The following EYS variants were observed in gnomAD, a reference collection of about 807,000 sequenced individuals.
EYS encodes the protein protein eyes shut homolog.
In EYS, 250 loss-of-function variants were observed where a neutral mutation model predicts 282.1. That is an observed-to-expected ratio of 0.89 (90% CI 0.80 to 0.98). EYS has a LOEUF of 0.98. Ranked by LOEUF, EYS falls within the 50% of genes least tolerant of loss-of-function variation. The pLI is 0.00. For missense variants in EYS, 4,016 were observed against 3,709.0 expected (o/e 1.08, Z -2.15); for synonymous variants, 1,355 against 1,282.9 (o/e 1.06, Z -1.20).
rs146804297 is a variant in EYS, at chr6:64,036,834, T to C, written c.6725+29504A>G. On this transcript the variant is annotated intron_variant, in intron 33 of 42. Coordinates refer to ENST00000503581, the MANE Select transcript of EYS (RefSeq NM_001142800.2). ...TCTACCTTCTACAGATGAGGACACT[T>C]GGCTTAAGTAACTTGCTCTAGACCA... Among the ~76,000 whole-genome samples, 302 of 152,304 alleles carry C rather than the reference T, an allele frequency of 2.0e-3. 2 individuals carry two copies. The highest frequency in any genetic ancestry group is 7.0e-3 in the African/African-American group (291 of 41,580).
chr6:65,255,196 A>G (rs1767428480), intron 12 of EYS, among the ~76,000 whole-genome samples: 3 of 152,024 alleles, frequency 2.0e-5, no homozygotes. Context: ...CCAATGGAAT[A>G]GAATAGAGAA....
chr6:65,622,522 T>C (rs1488652190), intron 2 of EYS, among the ~76,000 whole-genome samples: 1 of 152,080 alleles, frequency 6.6e-6, no homozygotes. Flanking sequence ...GTAATTTGCA[T>C]ATTTTTTCTT....
intron 5 of EYS, among the ~76,000 whole-genome samples, chr6:65,408,547 A>C (rs1248184588): frequency 6.6e-6 from 1 of 152,068 alleles, no homozygotes; most frequent in African/African-American, 2.4e-5. Context: ...AATCTTTTAA[A>C]GTTTGAGCGG....
chr6:64,779,358 G>C (rs928732467), intron 22 of EYS, among the ~76,000 whole-genome samples: 4 of 152,156 alleles, frequency 2.6e-5, no homozygotes, highest in Admixed American at 1.3e-4. Context: ...AGGACACTTA[G>C]ACCCATATGG....
At chr6:63,964,129 T>C (rs1766199588) in intron 35 of EYS, among the ~76,000 whole-genome samples, 1 of 152,186 alleles carries the variant, frequency 6.6e-6, no homozygotes, top group Admixed American at 6.5e-5. Flanking sequence ...CCATTTTAAT[T>C]TGAAGTAAAA....
chr6:64,571,339 T>A (rs181599555), intron 26 of EYS, among the ~76,000 whole-genome samples: 88 of 152,066 alleles, frequency 5.8e-4, no homozygotes, highest in African/African-American at 2.0e-3. Context: ...AGATCTAAAA[T>A]CAATACCCTA....
rs147360075 is a variant in EYS at position 64,615,600 on chromosome 6, G to A, written c.3684+1818C>T. ...ATACATACTGCTATAGCATTGGCAT[G>A]AATAACATTTCAATGTTAAAATTCT... is the stretch of plus-strand genomic sequence containing the variant. On this transcript the variant is annotated intron_variant, in intron 24 of 42. Coordinates refer to ENST00000503581, the MANE Select transcript of EYS (RefSeq NM_001142800.2). Among the ~76,000 whole-genome samples the A allele has an allele frequency of 2.7e-3, 408 of 152,112 alleles. 10 individuals are homozygous for A. In the East Asian group the frequency reaches 0.066, roughly 25 times the overall value.
chr6:64,879,729 C>A (rs1180677385), intron 19 of EYS, among the ~76,000 whole-genome samples: 1 of 151,938 alleles, frequency 6.6e-6, no homozygotes, highest in Non-Finnish European at 1.5e-5. Flanking sequence ...TTGACAATGA[C>A]TTCTGACTAA....
intron 31 of EYS, among the ~76,000 whole-genome samples, chr6:64,087,991 G>T (rs1772216813): frequency 6.6e-6 from 1 of 151,842 alleles, no homozygotes; most frequent in South Asian, 2.1e-4. Context: ...CCTACTTTCT[G>T]GCTCACACAC....
intron 28 of EYS, among the ~76,000 whole-genome samples, 186 bp downstream of exon 28, chr6:64,435,988 C>T (rs1482945197): frequency 6.6e-6 from 1 of 151,786 alleles, no homozygotes; most frequent in African/African-American, 2.4e-5. Context: ...AATGTAATCC[C>T]TATAATATTC....
Position 65,353,632 on chromosome 6 carries a change from C to T in EYS, c.1300-15G>A. Reference sequence around the variant, plus strand: ...ATGCATACATACTGCAAAAAGGAAACAAGGAAAAATGGTAAATTCTTTTTT... The same window carrying T: ...ATGCATACATACTGCAAAAAGGAAATAAGGAAAAATGGTAAATTCTTTTTT... On this transcript the variant is annotated splice_polypyrimidine_tract_variant and intron_variant, in intron 8 of 42. Coordinates refer to ENST00000503581, the MANE Select transcript of EYS (RefSeq NM_001142800.2). 6.2e-7 allele frequency: 1 copy of T among 1,606,032 alleles called. No individual in the cohort carries two copies. The highest frequency in any genetic ancestry group is 1.3e-5 in the African/African-American group (1 of 74,734).
At chr6:65,290,912 C>A (rs1213100343) in intron 12 of EYS, among the ~76,000 whole-genome samples, 1 of 151,174 alleles carries the variant, frequency 6.6e-6, no homozygotes, top group Non-Finnish European at 1.5e-5. Context: ...ATAGTGAAAT[C>A]TAAAGTCCTT....
chr6:64,444,188 T>A (rs911279535), intron 26 of EYS, among the ~76,000 whole-genome samples: 1 of 152,172 alleles, frequency 6.6e-6, no homozygotes, highest in Non-Finnish European at 1.5e-5. Context: ...CTTCTTTTTG[T>A]TTTCTAATCT....
chr6:64,599,193 G>A (rs894592235), intron 24 of EYS, among the ~76,000 whole-genome samples: 28 of 152,248 alleles, frequency 1.8e-4, no homozygotes, highest in African/African-American at 6.7e-4. Flanking sequence ...TAATCTTATT[G>A]ATATCATAAA....
chr6:65,426,342 G>C (rs1767662429), intron 5 of EYS, among the ~76,000 whole-genome samples: 1 of 151,980 alleles, frequency 6.6e-6, no homozygotes, highest in Non-Finnish European at 1.5e-5. Flanking sequence ...CTCTCCACCT[G>C]TTGTTGGCTA....
At chr6:65,317,828 T>TCCAGACAGAGTC (rs1320717116) in intron 11 of EYS, among the ~76,000 whole-genome samples, 2 of 38,790 alleles carry the variant, frequency 5.2e-5, no homozygotes, top group African/African-American at 1.5e-4. Flanking sequence ...CTTCCTTCCT[T>TCCAGACAGAGTC]TCTTTCTTTC....
chr6:65,527,569 G>C (rs1392904470), intron 2 of EYS, among the ~76,000 whole-genome samples: 1 of 152,146 alleles, frequency 6.6e-6, no homozygotes, highest in Admixed American at 6.5e-5. Context: ...TAAATGTCAT[G>C]GTGGCACAAA....
At chr6:65,069,594 C>T (rs896198109) in intron 12 of EYS, among the ~76,000 whole-genome samples, 1 of 151,880 alleles carries the variant, frequency 6.6e-6, no homozygotes, top group South Asian at 2.1e-4. Context: ...GTGTGTCTCT[C>T]GATGTAGCTT....
intron 19 of EYS, among the ~76,000 whole-genome samples, chr6:64,837,683 G>T (rs1765429061): frequency 1.5e-5 from 1 of 66,264 alleles, no homozygotes; most frequent in South Asian, 4.8e-4. Flanking sequence ...TATATATATA[G>T]GATATATATA....
Sources: gnomAD v4.1 joint callset for allele counts (sites outside exome capture counted in the v4.1 genomes callset) on GRCh38, gnomAD v4.1.1 for gene constraint, MANE v1.5 for transcripts, NCBI Gene and HGNC (gene_info 2026-07-23, HGNC 2026-07-21) for gene names.